Variants in CTNNA3 observed in about 807,000 individuals in gnomAD.
CTNNA3 encodes the protein catenin alpha 3.
In CTNNA3, 76 loss-of-function variants were observed where a neutral mutation model predicts 95.7. That is an observed-to-expected ratio of 0.79 (90% CI 0.66 to 0.96). CTNNA3 has a LOEUF of 0.96. Among genes scored for constraint, CTNNA3 ranks in the 40% least tolerant of loss-of-function variants. CTNNA3 has a pLI of 0.00. For missense variants in CTNNA3, 1,191 were observed against 1,089.8 expected (o/e 1.09, Z -1.31); for synonymous variants, 431 against 374.4 (o/e 1.15, Z -1.74).
At chr10:66,392,880 G>A (rs1361254837) in intron 11 of CTNNA3, among the ~76,000 whole-genome samples, 1 of 151,936 alleles carries the variant, frequency 6.6e-6, no homozygotes, top group Non-Finnish European at 1.5e-5. Flanking sequence ...CTATACAATC[G>A]AGCAACCATA....
intron 13 of CTNNA3, among the ~76,000 whole-genome samples, chr10:66,164,090 T>C (rs1056977072): frequency 6.6e-6 from 1 of 152,212 alleles, no homozygotes; most frequent in African/African-American, 2.4e-5. Context: ...GCTAATGTCA[T>C]ATAGCTCAGA....
chr10:67,317,177 TTC>T (rs1308878745), intron 5 of CTNNA3, among the ~76,000 whole-genome samples: 2 of 152,000 alleles, frequency 1.3e-5, no homozygotes, highest in African/African-American at 4.8e-5. Flanking sequence ...TTTTGTTTTT[TTC>T]TTTTTGTTTT....
intron 7 of CTNNA3, among the ~76,000 whole-genome samples, chr10:67,160,921 G>C (rs1304568828): frequency 6.6e-6 from 1 of 152,152 alleles, no homozygotes; most frequent in African/African-American, 2.4e-5. Flanking sequence ...AGTGAAATAA[G>C]CTAGTCACAG....
At chr10:67,163,009 A>G (rs188409683) in intron 7 of CTNNA3, among the ~76,000 whole-genome samples, 25 of 152,114 alleles carry the variant, frequency 1.6e-4, no homozygotes, top group African/African-American at 5.8e-4. Flanking sequence ...CTCCTGGAAA[A>G]GAAATCTCCA....
intron 5 of CTNNA3, among the ~76,000 whole-genome samples, chr10:67,312,449 G>C (rs1421971305): frequency 1.3e-5 from 2 of 152,208 alleles, no homozygotes; most frequent in Non-Finnish European, 2.9e-5. Context: ...ACAAGGAACA[G>C]AGAAGTGACA....
intron 5 of CTNNA3, among the ~76,000 whole-genome samples, chr10:67,512,103 G>T (rs2133132107): frequency 6.6e-6 from 1 of 152,142 alleles, no homozygotes. Context: ...GCATACAAAT[G>T]GCCAATAGAT....
At chr10:66,391,263 C>A (rs1285640754) in intron 11 of CTNNA3, among the ~76,000 whole-genome samples, 1 of 146,832 alleles carries the variant, frequency 6.8e-6, no homozygotes, top group African/African-American at 2.6e-5. Flanking sequence ...AATACTTATA[C>A]AAACTCTGCA....
intron 3 of CTNNA3, among the ~76,000 whole-genome samples, chr10:67,581,378 T>C (rs182354053): frequency 1.0e-3 from 156 of 152,346 alleles, no homozygotes; most frequent in African/African-American, 3.7e-3. Context: ...TTTGTGTATG[T>C]TGAACCAGCC....
intron 13 of CTNNA3, among the ~76,000 whole-genome samples, chr10:66,171,247 A>G (rs2085411494): frequency 6.6e-6 from 1 of 151,542 alleles, no homozygotes; most frequent in Non-Finnish European, 1.5e-5. Flanking sequence ...GCAAACAAAA[A>G]ACTAACTATG....
intron 11 of CTNNA3, among the ~76,000 whole-genome samples, chr10:66,510,990 G>T (rs1365257648): frequency 6.6e-6 from 1 of 151,790 alleles, no homozygotes; most frequent in African/African-American, 2.4e-5. Context: ...AAGTTTGCTA[G>T]AATTCATTAG....
upstream of CTNNA3, among the ~76,000 whole-genome samples, chr10:67,698,240 GA>G (rs899243127): frequency 2.3e-4 from 31 of 132,394 alleles, no homozygotes; most frequent in African/African-American, 5.5e-4. Flanking sequence ...AAGAGCTGGG[GA>G]AAAAAAAAAG....
chr10:66,038,117 C>T (rs114136266), intron 15 of CTNNA3, among the ~76,000 whole-genome samples: 1,828 of 152,280 alleles, frequency 0.012, 31 homozygotes, highest in African/African-American at 0.042. Flanking sequence ...GATCAATAGA[C>T]TGATTCTAGA....
chr10:67,054,194 TA>T (rs11334144), intron 7 of CTNNA3, among the ~76,000 whole-genome samples: 84,460 of 150,844 alleles, frequency 0.56, 23,895 homozygotes, highest in East Asian at 0.78. Context: ...TCCTGGTTAT[TA>T]AAAAAAAAAC....
intron 11 of CTNNA3, among the ~76,000 whole-genome samples, chr10:66,379,920 T>C (rs954275856): frequency 6.6e-5 from 10 of 152,156 alleles, no homozygotes; most frequent in Non-Finnish European, 2.9e-5. Context: ...AAATGATTAA[T>C]ACTCCCAGCT....
At chr10:66,790,063 A>G (rs904041727) in intron 7 of CTNNA3, among the ~76,000 whole-genome samples, 1 of 152,198 alleles carries the variant, frequency 6.6e-6, no homozygotes, top group Non-Finnish European at 1.5e-5. Flanking sequence ...GCCTCAATTA[A>G]GAGGTGTCTC....
chr10:66,376,242 GTTTA>G (rs1564909329), intron 12 of CTNNA3, among the ~76,000 whole-genome samples: 1 of 151,988 alleles, frequency 6.6e-6, no homozygotes, highest in African/African-American at 2.4e-5. Context: ...AGTCCAGAAG[GTTTA>G]TTATTTATTT....
intron 13 of CTNNA3, among the ~76,000 whole-genome samples, chr10:66,218,076 A>T (rs2088670418): frequency 6.6e-6 from 1 of 152,180 alleles, no homozygotes; most frequent in African/African-American, 2.4e-5. Context: ...AGACCTGCCA[A>T]CAGGAGTCTC....
chr10:67,650,518 T>G (rs761444928), intron 1 of CTNNA3, among the ~76,000 whole-genome samples: 5 of 152,188 alleles, frequency 3.3e-5, no homozygotes, highest in Admixed American at 6.5e-5. Flanking sequence ...TATGGATCCT[T>G]CCCTTCTCCC....
chr10:67,626,588 C>T (rs1838964446), intron 2 of CTNNA3, among the ~76,000 whole-genome samples: 1 of 152,146 alleles, frequency 6.6e-6, no homozygotes, highest in Non-Finnish European at 1.5e-5. Flanking sequence ...GACCCTGAAG[C>T]CTCTTGAGAA....
Sources: allele counts gnomAD v4.1 joint callset (sites outside exome capture counted in the v4.1 genomes callset), GRCh38; gene constraint gnomAD v4.1.1; transcripts MANE v1.5; gene names NCBI Gene and HGNC (gene_info 2026-07-23, HGNC 2026-07-21).